The following HMGCS1 variants were observed in gnomAD, a reference collection of about 807,000 sequenced individuals.
HMGCS1 encodes 3-hydroxy-3-methylglutaryl-CoA synthase 1, also known as hydroxymethylglutaryl-CoA synthase, cytoplasmic.
HMGCS1 carries 9 observed loss-of-function variants against 52.3 expected under a neutral mutation model. That is an observed-to-expected ratio of 0.17 (90% CI 0.10 to 0.30). HMGCS1 has a LOEUF of 0.30. HMGCS1 is among the 10% of genes least tolerant of loss of function. HMGCS1 has a pLI of 1.00. For synonymous variants in HMGCS1, 176 were observed against 214.4 expected (o/e 0.82, Z 1.57); for missense variants, 320 against 620.9 (o/e 0.52, Z 5.15).
At chr5:43,305,975 G>A (rs1311106789) in intron 2 of HMGCS1, among the ~76,000 whole-genome samples, 1 of 151,948 alleles carries the variant, frequency 6.6e-6, no homozygotes, top group Non-Finnish European at 1.5e-5. Context: ...TGAGGACTCT[G>A]TATTTATAAT....
intron 6 of HMGCS1, 27 bp downstream of exon 6, chr5:43,295,725 G>A (rs1561112759): frequency 1.3e-6 from 2 of 1,567,862 alleles, no homozygotes; most frequent in South Asian, 2.3e-5. Flanking sequence ...AATATAGAAG[G>A]AAAAAACTCA....
At chr5:43,312,569 T>C (rs1754923238) in intron 1 of HMGCS1, among the ~76,000 whole-genome samples, 1 of 152,126 alleles carries the variant, frequency 6.6e-6, no homozygotes, top group Non-Finnish European at 1.5e-5. Flanking sequence ...CAAAACCTAT[T>C]TGTGGGAGGA....
chr5:43,292,678 T>C (rs1753837436), intron 9 of HMGCS1, 41 bp from the exon 10 acceptor site: 2 of 1,565,128 alleles, frequency 1.3e-6, no homozygotes, highest in Non-Finnish European at 8.8e-7. Flanking sequence ...AGTTATGATA[T>C]ACAATTCATC....
intron 2 of HMGCS1, among the ~76,000 whole-genome samples, chr5:43,300,313 G>T (rs941222424): frequency 5.3e-5 from 8 of 152,148 alleles, no homozygotes; most frequent in African/African-American, 1.9e-4. Context: ...GACATCATTG[G>T]ATGGTGCTAC....
At chr5:43,310,858 T>C (rs1412784536) in intron 1 of HMGCS1, among the ~76,000 whole-genome samples, 1 of 152,172 alleles carries the variant, frequency 6.6e-6, no homozygotes, top group Non-Finnish European at 1.5e-5. Context: ...CAGAAAACAT[T>C]TGTTGGTCTT....
intron 1 of HMGCS1, among the ~76,000 whole-genome samples, 188 bp from the exon 2 acceptor site, chr5:43,308,012 T>G (rs1754663848): frequency 6.6e-6 from 1 of 152,214 alleles, no homozygotes; most frequent in Non-Finnish European, 1.5e-5. Context: ...CCCCCTTATT[T>G]TCATAGCCCT....
intron 5 of HMGCS1, 111 bp from the exon 6 acceptor site, chr5:43,296,028 A>G (rs1199337991): frequency 1.4e-6 from 1 of 695,844 alleles, no homozygotes; most frequent in Non-Finnish European, 2.4e-6. Flanking sequence ...GCAACCACAA[A>G]TACACTGTAT....
At chr5:43,308,475 T>A (rs1754688216) in intron 1 of HMGCS1, among the ~76,000 whole-genome samples, 1 of 152,240 alleles carries the variant, frequency 6.6e-6, no homozygotes. Context: ...CAAGACCTAA[T>A]CATTTTCAAC....
intron 2 of HMGCS1, among the ~76,000 whole-genome samples, chr5:43,305,155 T>G (rs1027525275): frequency 9.9e-5 from 15 of 151,944 alleles, no homozygotes; most frequent in Non-Finnish European, 1.5e-4. Context: ...CCCAGCTGAT[T>G]TTGTATTTTT....
rs1753954888 is a variant in HMGCS1 at position 43,294,878 on chromosome 5, A to C, written c.906-17T>G. 5 of 1,545,868 alleles carry C rather than the reference A, an allele frequency of 3.2e-6. No individual in the cohort carries two copies. In the East Asian group the frequency reaches 1.1e-4, roughly 35 times the overall value. ...TTAACATCCCTGAAAGATTTATTTT[A>C]CAGTTTTACAGTGTTTAAAGCCTAT... On this transcript the variant is annotated splice_polypyrimidine_tract_variant and intron_variant, in intron 6 of 10. Transcript: ENST00000325110.
Position 43,291,194 on chromosome 5 carries a change from T to C in HMGCS1, c.1500A>G (p.Val500=). The part of the protein sequence containing the change: ...TEHIPSPAKK[V]PRLPATAAEP... ...CTGCTGCTGTGGCAGGGAGTCTTGG[T>C]ACTTTCTTGGCAGGGCTTGGAATAT... The change falls in exon 11 of 11, where the codon GTA becomes GTG. Residue 500 remains valine (V), a synonymous_variant. Transcript: ENST00000325110. The C allele has an allele frequency of 1.9e-6, 3 of 1,608,090 alleles. No individual in the cohort carries two copies. Among genetic ancestry groups the C allele is most frequent in the Non-Finnish European group, 2.5e-6 (3 of 1,176,494 alleles).
At chr5:43,291,356 A>G (rs1374685183) in intron 10 of HMGCS1, 136 bp from the exon 11 acceptor site, 1 of 595,800 alleles carries the variant, frequency 1.7e-6, no homozygotes, top group East Asian at 2.8e-5. Context: ...TATATTTTAT[A>G]TAACTTTTCA....
intron 9 of HMGCS1, 40 bp downstream of exon 9, chr5:43,292,808 C>T (rs1454231503): frequency 5.6e-6 from 9 of 1,604,620 alleles, no homozygotes; most frequent in Non-Finnish European, 7.7e-6. Flanking sequence ...GATATCAGCC[C>T]TCCAAATGGG....
chr5:43,294,010 TGG>T, intron 8 of HMGCS1, 44 bp downstream of exon 8: 1 of 1,273,522 alleles, frequency 7.9e-7, no homozygotes, highest in South Asian at 1.2e-5. Context: ...CCACTGTGCC[TGG>T]ACTCAGTTCT....
intron 1 of HMGCS1, among the ~76,000 whole-genome samples, chr5:43,308,321 T>A (rs1754679010): frequency 6.6e-6 from 1 of 152,208 alleles, no homozygotes; most frequent in African/African-American, 2.4e-5. Flanking sequence ...ACAGTTGCCC[T>A]CCCCAGATCA....
intron 8 of HMGCS1, among the ~76,000 whole-genome samples, chr5:43,293,552 G>A (rs1753882242): frequency 8.3e-6 from 1 of 120,836 alleles, no homozygotes; most frequent in Non-Finnish European, 1.7e-5. Context: ...ATCCAGATAA[G>A]GTAGAATTTT....
chr5:43,310,583 T>G (rs1326446092), intron 1 of HMGCS1, among the ~76,000 whole-genome samples: 1 of 152,234 alleles, frequency 6.6e-6, no homozygotes, highest in East Asian at 1.9e-4. Context: ...CTTTTAGATT[T>G]AATACTTGTA....
chr5:43,296,915 C>A, intron 5 of HMGCS1, 87 bp downstream of exon 5: 4 of 912,352 alleles, frequency 4.4e-6, no homozygotes, highest in South Asian at 1.8e-5. Flanking sequence ...TGAAGAATGC[C>A]CACAAAGTAG....
At chr5:43,311,687 A>G (rs1754879458) in intron 1 of HMGCS1, among the ~76,000 whole-genome samples, 2 of 152,254 alleles carry the variant, frequency 1.3e-5, no homozygotes, top group Admixed American at 1.3e-4. Flanking sequence ...ATCTAAGTCA[A>G]AATCTCAAAA....
Sources: gnomAD v4.1 joint callset for allele counts (sites outside exome capture counted in the v4.1 genomes callset) on GRCh38, gnomAD v4.1.1 for gene constraint, MANE v1.5 for transcripts, NCBI Gene and HGNC (gene_info 2026-07-23, HGNC 2026-07-21) for gene names.